The following NTRK2 variants were observed in gnomAD, a reference collection of about 807,000 sequenced individuals.
NTRK2 encodes the protein neurotrophic receptor tyrosine kinase 2.
NTRK2 carries 13 observed loss-of-function variants against 94.5 expected under a neutral mutation model. The ratio of observed to expected loss-of-function variants is 0.14; its 90% CI spans 0.09 to 0.22. The LOEUF (loss-of-function observed/expected upper bound fraction) is 0.22. Among genes scored for constraint, NTRK2 ranks in the 10% least tolerant of loss-of-function variants. NTRK2 has a pLI of 1.00. For synonymous variants in NTRK2, 372 were observed against 407.4 expected (o/e 0.91, Z 1.05); for missense variants, 639 against 1,071.2 (o/e 0.60, Z 5.63).
chr9:84,800,733 A>G (rs2070325934), intron 12 of NTRK2, among the ~76,000 whole-genome samples: 1 of 152,114 alleles, frequency 6.6e-6, no homozygotes, highest in African/African-American at 2.4e-5. Flanking sequence ...AGGACCCACC[A>G]TTTGGCTGGA....
chr9:84,769,197 T>C (rs2066304722), intron 12 of NTRK2, among the ~76,000 whole-genome samples: 1 of 152,298 alleles, frequency 6.6e-6, no homozygotes, highest in Non-Finnish European at 1.5e-5. Context: ...ATTATAAACA[T>C]TATTGAAAAA....
chr9:84,779,654 C>A (rs894550526), intron 12 of NTRK2, among the ~76,000 whole-genome samples: 1 of 152,142 alleles, frequency 6.6e-6, no homozygotes, highest in African/African-American at 2.4e-5. Context: ...TTTTTTGACA[C>A]TGACACAAGA....
chr9:84,867,368 A>G lies in NTRK2; in HGVS notation c.1570A>G (p.Ile524Val). The change falls in exon 14 of 19, where the codon ATC becomes GTC. Residue 524 changes from isoleucine to valine, a missense_variant. Ile to Val is a conservative substitution (Grantham distance 29, BLOSUM62 3). This residue lies in a region of NTRK2 where 343 missense variants were observed against 571.5 expected (regional missense o/e 0.60). Transcript: ENST00000277120. ...TGCTGTCATTATTGGAATGACCAAGATCCCTGTCATTGAAAATCCCCAGTA... is the reference window on the plus strand; with the variant it reads ...TGCTGTCATTATTGGAATGACCAAGGTCCCTGTCATTGAAAATCCCCAGTA... ...PDAVIIGMTK[I>V]PVIENPQYFG... is the part of the protein sequence containing the mutation. 1 of 1,614,094 alleles carries G rather than the reference A, an allele frequency of 6.2e-7. No individual in the cohort carries two copies. The highest frequency in any genetic ancestry group is 8.5e-7 in the Non-Finnish European group (1 of 1,179,970).
chr9:84,857,713 G>A (rs1320182456), intron 12 of NTRK2, among the ~76,000 whole-genome samples: 1 of 152,160 alleles, frequency 6.6e-6, no homozygotes, highest in Non-Finnish European at 1.5e-5. Flanking sequence ...GAATAATTTT[G>A]TCAAAAGTTG....
chr9:84,768,963 A>G (rs1397343804), intron 12 of NTRK2, among the ~76,000 whole-genome samples: 1 of 152,106 alleles, frequency 6.6e-6, no homozygotes, highest in African/African-American at 2.4e-5. Context: ...GTGGAGGACA[A>G]TCAGATATGG....
At chr9:84,693,178 A>T (rs1220498556) in intron 2 of NTRK2, among the ~76,000 whole-genome samples, 2 of 152,218 alleles carry the variant, frequency 1.3e-5, no homozygotes, top group Non-Finnish European at 2.9e-5. Context: ...TGTTGGTCAG[A>T]TCCCGACCAC....
At chr9:84,802,766 T>C (rs920640153) in intron 12 of NTRK2, among the ~76,000 whole-genome samples, 4 of 152,192 alleles carry the variant, frequency 2.6e-5, no homozygotes, top group African/African-American at 9.6e-5. Context: ...ATGGGGCTTT[T>C]TGAAATGGGT....
upstream of NTRK2, chr9:84,668,751 T>A (rs2058514918): frequency 6.6e-6 from 1 of 152,214 alleles, no homozygotes; most frequent in Non-Finnish European, 1.5e-5. Context: ...GGGCACGCGT[T>A]CGCGCACACC....
At chr9:84,819,353 G>A (rs989781517) in intron 12 of NTRK2, among the ~76,000 whole-genome samples, 1 of 152,208 alleles carries the variant, frequency 6.6e-6, no homozygotes, top group Non-Finnish European at 1.5e-5. Flanking sequence ...AGGAAGTACA[G>A]AGTCGCCAGC....
In NTRK2 at chr9:84,717,096, T is replaced by C. The variant is rs1327314818; in HGVS notation, c.583+6305T>C. The stretch of plus-strand genomic sequence containing the variant: ...AGAATTAAGAGATAGGTCAAGTGTT[T>C]ATTTGTTTTAAGTTCTGTTATGTGT... On this transcript the variant is annotated intron_variant, in intron 6 of 18. Transcript: ENST00000277120. Among the ~76,000 whole-genome samples the C allele has an allele frequency of 9.8e-5, 15 of 152,328 alleles. No homozygotes were observed. In the East Asian group the frequency reaches 2.3e-3, roughly 23 times the overall value.
At chr9:84,714,413 T>C (rs1299843807) in intron 6 of NTRK2, among the ~76,000 whole-genome samples, 2 of 152,244 alleles carry the variant, frequency 1.3e-5, no homozygotes, top group Non-Finnish European at 2.9e-5. Context: ...GAGTTCTTTA[T>C]AGTTTCTTCT....
chr9:84,975,921 C>T (rs1435912708), intron 17 of NTRK2, among the ~76,000 whole-genome samples: 2 of 152,058 alleles, frequency 1.3e-5, no homozygotes, highest in Non-Finnish European at 2.9e-5. Context: ...GGTCCCTATG[C>T]CCCCTTGGTC....
intron 14 of NTRK2, among the ~76,000 whole-genome samples, chr9:84,880,447 G>C (rs1357370739): frequency 1.3e-5 from 2 of 152,186 alleles, no homozygotes; most frequent in Non-Finnish European, 2.9e-5. Context: ...GGACAGACAA[G>C]TACTCCTCTG....
chr9:84,675,585 A>G (rs987573507), intron 2 of NTRK2, among the ~76,000 whole-genome samples: 2 of 152,160 alleles, frequency 1.3e-5, no homozygotes, highest in Admixed American at 1.3e-4. Context: ...TGATGCCTGT[A>G]ATCAATAGGA....
At chr9:84,768,428 T>G (rs1351898042) in intron 12 of NTRK2, among the ~76,000 whole-genome samples, 3 of 152,118 alleles carry the variant, frequency 2.0e-5, no homozygotes, top group African/African-American at 7.2e-5. Context: ...GCCAAGCCCC[T>G]CCCTCCGCAG....
chr9:85,000,450 C>T (rs1449056569), intron 17 of NTRK2, among the ~76,000 whole-genome samples: 3 of 152,088 alleles, frequency 2.0e-5, no homozygotes, highest in South Asian at 2.1e-4. Flanking sequence ...TTACTGTCTC[C>T]GTCGTTCTGG....
intron 6 of NTRK2, among the ~76,000 whole-genome samples, chr9:84,719,785 G>A (rs758445923): frequency 2.0e-5 from 3 of 152,076 alleles, no homozygotes; most frequent in Non-Finnish European, 4.4e-5. Context: ...TTGGGAGGCT[G>A]AGGCGGGTCG....
intron 2 of NTRK2, among the ~76,000 whole-genome samples, chr9:84,673,607 C>G (rs1360280936): frequency 1.3e-5 from 2 of 152,042 alleles, no homozygotes; most frequent in Non-Finnish European, 2.9e-5. Flanking sequence ...ATATATTAAA[C>G]CATCATGCCC....
intron 16 of NTRK2, among the ~76,000 whole-genome samples, chr9:84,952,806 C>T (rs1187776942): frequency 6.6e-6 from 1 of 152,172 alleles, no homozygotes; most frequent in Non-Finnish European, 1.5e-5. Flanking sequence ...AGCTTCCTGA[C>T]GTCTGCAGAG....
Sources: allele counts gnomAD v4.1 joint callset (sites outside exome capture counted in the v4.1 genomes callset), GRCh38; gene constraint gnomAD v4.1.1; regional missense constraint gnomAD v4.1.1; transcripts MANE v1.5; gene names NCBI Gene and HGNC (gene_info 2026-07-23, HGNC 2026-07-21).